The following FGD4 variants were observed in gnomAD, a reference collection of about 807,000 sequenced individuals.
The protein encoded by FGD4 is FYVE, RhoGEF and PH domain-containing protein 4.
In FGD4, 42 loss-of-function variants were observed where a neutral mutation model predicts 102.0. The observed-to-expected ratio is 0.41, with a 90% CI of 0.32 to 0.53. The LOEUF is 0.53. FGD4 is among the 20% of genes least tolerant of loss of function. The pLI is 0.21. For synonymous variants in FGD4, 380 were observed against 375.7 expected, an observed-to-expected ratio of 1.01 and a Z score of -0.13; for missense variants, 902 against 1,078.2, an observed-to-expected ratio of 0.84 and a Z score of 2.29.
intron 1 of FGD4, among the ~76,000 whole-genome samples, chr12:32,531,021 G>A (rs61928288): frequency 0.053 from 7,379 of 139,832 alleles, 265 homozygotes; most frequent in South Asian, 0.11. Flanking sequence ...GTGCGATCGC[G>A]GCTCACTGCA....
At chr12:32,509,919 T>C (rs564211076) in intron 1 of FGD4, among the ~76,000 whole-genome samples, 1 of 152,184 alleles carries the variant, frequency 6.6e-6, no homozygotes, top group East Asian at 1.9e-4. Flanking sequence ...GATTATACCC[T>C]TTCCAGTGCC....
At chr12:32,428,823 T>TGGATA (rs779119382) in intron 1 of FGD4, among the ~76,000 whole-genome samples, 6 of 152,220 alleles carry the variant, frequency 3.9e-5, no homozygotes, top group Non-Finnish European at 7.3e-5. Flanking sequence ...GATTCAGCTA[T>TGGATA]GGATACTTGT....
chr12:32,494,942 G>A (rs1937704163), intron 1 of FGD4, among the ~76,000 whole-genome samples: 1 of 152,208 alleles, frequency 6.6e-6, no homozygotes, highest in Admixed American at 6.5e-5. Context: ...AGCATAGACA[G>A]CTTGACAGTA....
chr12:32,425,833 A>G (rs953841305), intron 1 of FGD4, among the ~76,000 whole-genome samples: 1 of 152,136 alleles, frequency 6.6e-6, no homozygotes, highest in Admixed American at 6.6e-5. Flanking sequence ...TCTCTTTAGC[A>G]GTTGTGAATG....
chr12:32,626,116 A>G (rs1416104174), intron 14 of FGD4, among the ~76,000 whole-genome samples: 3 of 152,220 alleles, frequency 2.0e-5, no homozygotes, highest in Non-Finnish European at 4.4e-5. Flanking sequence ...AAAGAGACCT[A>G]TCTGAGGGGT....
intron 1 of FGD4, among the ~76,000 whole-genome samples, chr12:32,470,807 C>T (rs1943398227): frequency 6.6e-6 from 1 of 152,026 alleles, no homozygotes. Flanking sequence ...CCTGTGTAGT[C>T]CTTGCTGACT....
intron 1 of FGD4, among the ~76,000 whole-genome samples, chr12:32,496,894 A>C (rs918539984): frequency 1.3e-5 from 2 of 152,234 alleles, no homozygotes; most frequent in African/African-American, 4.8e-5. Flanking sequence ...GATAGGGAAT[A>C]TTACTGTAAT....
chr12:32,534,547 G>A, intron 1 of FGD4: 5 of 1,294,044 alleles, frequency 3.9e-6, no homozygotes, highest in Non-Finnish European at 5.2e-6. Context: ...TCCCCAGCGT[G>A]GGTCACTTTA....
chr12:32,535,352 C>A (rs1942155755), intron 1 of FGD4, among the ~76,000 whole-genome samples: 1 of 152,160 alleles, frequency 6.6e-6, no homozygotes, highest in African/African-American at 2.4e-5. Flanking sequence ...CTCTTTCCTT[C>A]CTTAAGTGTC....
At chr12:32,517,181 TTTAAATGGCA>T (rs1939979348) in intron 1 of FGD4, among the ~76,000 whole-genome samples, 1 of 152,226 alleles carries the variant, frequency 6.6e-6, no homozygotes, top group South Asian at 2.1e-4. Context: ...TGTTCTCTGT[TTTAAATGGCA>T]TTACATTCAT....
Position 32,524,285 on chromosome 12 carries a change from A to G in FGD4, c.167-39852A>G, listed in dbSNP as rs140732883. ...GTGGCGTCAGTCCGTAGTCCCAGCT[A>G]CTCGGGAGGCTGAGGCAGGAGAATT... On this transcript the variant is annotated intron_variant, in intron 1 of 16. Transcript: ENST00000534526. Among the ~76,000 whole-genome samples, 731 of 145,196 alleles carry G rather than the reference A, an allele frequency of 5.0e-3. 4 individuals carry two copies. The highest frequency in any genetic ancestry group is 0.018 in the African/African-American group (694 of 39,032).
chr12:32,566,809 C>T (rs1260690292), intron 2 of FGD4, among the ~76,000 whole-genome samples: 2 of 152,152 alleles, frequency 1.3e-5, no homozygotes, highest in Non-Finnish European at 2.9e-5. Context: ...TTATCACCCC[C>T]GACACCTTTG....
intron 1 of FGD4, among the ~76,000 whole-genome samples, chr12:32,408,600 C>T (rs577238939): frequency 5.1e-4 from 77 of 152,302 alleles, no homozygotes; most frequent in African/African-American, 1.8e-3. Context: ...TCTAGAGCTG[C>T]CTCCCAGTGA....
Position 32,564,283 on chromosome 12 carries a change from C to G in FGD4, c.313C>G (p.Pro105Ala), listed in dbSNP as rs553492096. ...PAKHSAASPK[P>A]QVPPKPLHLQ... The stretch of plus-strand genomic sequence containing the variant: ...AAAACACTCAGCTGCAAGTCCAAAG[C>G]CACAAGGTATGCTCACTGGGAGTTT... The change falls in exon 2 of 17, where the codon CCA (proline) becomes GCA (alanine). Residue 105 changes from proline to alanine, a missense_variant. Physicochemically the swap from Pro to Ala is conservative, Grantham distance 27 (BLOSUM62 -1). Coordinates refer to ENST00000534526, the MANE Select transcript of FGD4 (RefSeq NM_001370298.3). 6.5e-7 allele frequency: 1 copy of G among 1,535,784 alleles called. No individual in the cohort carries two copies. Among genetic ancestry groups the G allele is most frequent in the Non-Finnish European group, 8.7e-7 (1 of 1,146,758 alleles).
At chr12:32,604,983 G>C (rs1948681145) in intron 7 of FGD4, among the ~76,000 whole-genome samples, 1 of 124,338 alleles carries the variant, frequency 8.0e-6, no homozygotes, top group Non-Finnish European at 1.6e-5. Flanking sequence ...CTGTCACCCA[G>C]GCTGGAGTGC....
intron 4 of FGD4, among the ~76,000 whole-genome samples, chr12:32,591,898 CA>C (rs1014653387): frequency 6.6e-6 from 1 of 152,152 alleles, no homozygotes; most frequent in Non-Finnish European, 1.5e-5. Context: ...CTAGGAAGTG[CA>C]TTACACAGAA....
chr12:32,480,979 T>G (rs550136887), intron 1 of FGD4, among the ~76,000 whole-genome samples: 1 of 150,680 alleles, frequency 6.6e-6, no homozygotes, highest in South Asian at 2.1e-4. Context: ...AATGTAAAAA[T>G]AATTGTGTGT....
chr12:32,425,738 CTT>C (rs1296960669), intron 1 of FGD4, among the ~76,000 whole-genome samples: 1 of 152,110 alleles, frequency 6.6e-6, no homozygotes, highest in Non-Finnish European at 1.5e-5. Context: ...TGTGTCCTCT[CTT>C]ATTTCCTTGA....
chr12:32,633,734 C>G (rs1304726535), intron 15 of FGD4, 45 bp downstream of exon 15: 6 of 1,524,996 alleles, frequency 3.9e-6, no homozygotes, highest in Non-Finnish European at 8.9e-7. Flanking sequence ...TATTTTTTTC[C>G]CAACGGACTC....
Sources: gnomAD v4.1 joint callset for allele counts (sites outside exome capture counted in the v4.1 genomes callset) on GRCh38, gnomAD v4.1.1 for gene constraint, MANE v1.5 for transcripts, NCBI Gene and HGNC (gene_info 2026-07-23, HGNC 2026-07-21) for gene names.